RNF217: variants seen among roughly 807,000 people sequenced by gnomAD.
The protein encoded by RNF217 is ring finger protein 217.
In RNF217, 31 loss-of-function variants were observed where a neutral mutation model predicts 57.8. That is an observed-to-expected ratio of 0.54 (90% CI 0.40 to 0.72). The LOEUF is 0.72. Ranked by LOEUF, RNF217 falls within the 30% of genes least tolerant of loss-of-function variation. The probability of loss-of-function intolerance (pLI) is 0.00; values close to 1 mark genes in which losing one functional copy is unlikely to be tolerated. For missense variants in RNF217, 696 were observed against 708.3 expected, an observed-to-expected ratio of 0.98 and a Z score of 0.20; for synonymous variants, 313 against 294.0, an observed-to-expected ratio of 1.06 and a Z score of -0.66.
At chr6:125,076,356 A>C (rs1307417786) in intron 3 of RNF217, among the ~76,000 whole-genome samples, 4 of 152,146 alleles carry the variant, frequency 2.6e-5, no homozygotes, top group Non-Finnish European at 5.9e-5. Context: ...CTAACCGTTG[A>C]ATTAGGTGTA....
chr6:124,987,829 C>A (rs1164488676), intron 1 of RNF217, among the ~76,000 whole-genome samples: 2 of 152,032 alleles, frequency 1.3e-5, no homozygotes, highest in African/African-American at 4.8e-5. Context: ...TCTTGTGATT[C>A]AAATATTAGT....
intron 3 of RNF217, among the ~76,000 whole-genome samples, chr6:125,067,012 G>A (rs775799985): frequency 6.6e-6 from 1 of 152,138 alleles, no homozygotes; most frequent in Non-Finnish European, 1.5e-5. Context: ...TTATACGAGG[G>A]TTCATGGCGA....
intron 1 of RNF217, among the ~76,000 whole-genome samples, chr6:125,008,490 A>G (rs896186821): frequency 4.6e-5 from 7 of 152,156 alleles, no homozygotes; most frequent in Admixed American, 2.0e-4. Flanking sequence ...GAGTTTGAAT[A>G]TCCCAGTCAT....
chr6:124,973,959 T>TG (rs1275469047), intron 1 of RNF217, among the ~76,000 whole-genome samples: 1 of 152,248 alleles, frequency 6.6e-6, no homozygotes, highest in African/African-American at 2.4e-5. Flanking sequence ...TGGCAGCTGA[T>TG]GCCGGCCGTT....
chr6:124,999,875 A>T lies in RNF217; in HGVS notation c.882+36449A>T, dbSNP rs182536443. 3.0e-3 allele frequency among the ~76,000 whole-genome samples: 455 copies of T among 152,352 alleles called. 1 individual carries two copies. The highest frequency in any genetic ancestry group is 4.3e-3 in the Non-Finnish European group (295 of 68,026). On this transcript the variant is annotated intron_variant, in intron 1 of 5. Transcript: ENST00000521654. ...ATAAACAGCTATTAAACTATTAAAT[A>T]AATATATGAAAAAGGTCCCAGAACA...
chr6:124,985,403 G>T (rs928992069), intron 1 of RNF217, among the ~76,000 whole-genome samples: 15 of 152,156 alleles, frequency 9.9e-5, no homozygotes, highest in Middle Eastern at 3.4e-3. Flanking sequence ...CATGGAAAAT[G>T]GTATATTCAT....
chr6:124,977,116 C>A (rs1783998664), intron 1 of RNF217, among the ~76,000 whole-genome samples: 1 of 152,048 alleles, frequency 6.6e-6, no homozygotes, highest in African/African-American at 2.4e-5. Context: ...TAAAAATCAT[C>A]CAAATGAAGA....
intron 1 of RNF217, among the ~76,000 whole-genome samples, chr6:124,982,633 A>G (rs1188751649): frequency 6.6e-6 from 1 of 152,126 alleles, no homozygotes; most frequent in Non-Finnish European, 1.5e-5. Context: ...TATTAATAAT[A>G]TATTTACATA....
At chr6:124,977,504 T>C in intron 1 of RNF217, among the ~76,000 whole-genome samples, 1 of 152,272 alleles carries the variant, frequency 6.6e-6, no homozygotes, top group Non-Finnish European at 1.5e-5. Context: ...AAATGTTTTA[T>C]ATCATTAATT....
rs1000647154 is a variant in RNF217, at chr6:125,023,148, G to T, written c.883-22063G>T. 2.0e-5 allele frequency among the ~76,000 whole-genome samples: 3 copies of T among 152,220 alleles called. No individual in the cohort carries two copies. In the East Asian group the frequency reaches 5.8e-4, roughly 30 times the overall value. On this transcript the variant is annotated intron_variant, in intron 1 of 5. Coordinates refer to ENST00000521654, the MANE Select transcript of RNF217 (RefSeq NM_001286398.3). ...TAAGGATCACCTGATACAGTTTTGA[G>T]GTATTACAAAAGGCTTCCAAAAGAA...
intron 1 of RNF217, among the ~76,000 whole-genome samples, chr6:124,991,899 C>T (rs1430024708): frequency 6.6e-6 from 1 of 152,186 alleles, no homozygotes; most frequent in African/African-American, 2.4e-5. Context: ...TAGCACTTTT[C>T]TGTCATACCA....
chr6:124,969,328 G>A (rs1783672400), intron 1 of RNF217, among the ~76,000 whole-genome samples: 1 of 152,016 alleles, frequency 6.6e-6, no homozygotes, highest in African/African-American at 2.4e-5. Flanking sequence ...TGCTCAGTTT[G>A]TTTTGGATCA....
intron 1 of RNF217, among the ~76,000 whole-genome samples, chr6:125,026,915 A>G (rs1257093962): frequency 2.0e-5 from 3 of 152,146 alleles, no homozygotes; most frequent in Non-Finnish European, 2.9e-5. Flanking sequence ...TGTTTTGGAT[A>G]CAGTAAATAT....
chr6:124,991,525 A>G (rs1784560950), intron 1 of RNF217, among the ~76,000 whole-genome samples: 1 of 151,952 alleles, frequency 6.6e-6, no homozygotes, highest in South Asian at 2.1e-4. Context: ...TGTTTTATTT[A>G]TTATATTCAT....
intron 1 of RNF217, among the ~76,000 whole-genome samples, chr6:125,017,723 G>A (rs796190420): frequency 1.4e-4 from 22 of 152,152 alleles, no homozygotes; most frequent in African/African-American, 5.1e-4. Flanking sequence ...AACTTTGGAA[G>A]GTTATAATTA....
chr6:125,018,277 C>A (rs1248648736), intron 1 of RNF217, among the ~76,000 whole-genome samples: 1 of 152,106 alleles, frequency 6.6e-6, no homozygotes, highest in Non-Finnish European at 1.5e-5. Context: ...TAACAATTAT[C>A]TTTATTTTTA....
intron 2 of RNF217, 131 bp downstream of exon 2, chr6:125,045,575 AT>A (rs987390258): frequency 7.8e-6 from 5 of 644,480 alleles, no homozygotes; most frequent in Non-Finnish European, 8.1e-6. Flanking sequence ...ATTGGCCATC[AT>A]TCTGAAAGCA....
At chr6:124,965,355 C>A (rs1263124590) in intron 1 of RNF217, among the ~76,000 whole-genome samples, 2 of 152,146 alleles carry the variant, frequency 1.3e-5, no homozygotes, top group South Asian at 2.1e-4. Flanking sequence ...AGGTGGATCA[C>A]CTGAGATCGG....
At chr6:125,016,750 C>T (rs1785619298) in intron 1 of RNF217, among the ~76,000 whole-genome samples, 1 of 142,384 alleles carries the variant, frequency 7.0e-6, no homozygotes, top group South Asian at 2.2e-4. Context: ...CACGTGGACA[C>T]AGGGAGGGGA....
Sources: allele counts gnomAD v4.1 joint callset (sites outside exome capture counted in the v4.1 genomes callset), GRCh38; gene constraint gnomAD v4.1.1; transcripts MANE v1.5; gene names NCBI Gene and HGNC (gene_info 2026-07-23, HGNC 2026-07-21).